The following ZFAT variants were observed in gnomAD, a reference collection of about 807,000 sequenced individuals.
ZFAT encodes the protein zinc finger protein ZFAT.
Under a neutral mutation model 117.7 loss-of-function variants are expected in ZFAT, and 64 were observed. The observed-to-expected ratio is 0.54, with a 90% CI of 0.44 to 0.67. ZFAT has a LOEUF of 0.67. Among genes scored for constraint, ZFAT ranks in the 30% least tolerant of loss-of-function variants. The pLI is 0.00. For synonymous variants in ZFAT, 679 were observed against 615.0 expected (o/e 1.10, Z -1.54); for missense variants, 1,433 against 1,584.5 (o/e 0.90, Z 1.62).
chr8:134,598,535 G>A (rs756665126), intron 7 of ZFAT: 1 of 152,262 alleles, frequency 6.6e-6, no homozygotes, highest in Non-Finnish European at 1.5e-5. Flanking sequence ...TGATCATGAG[G>A]CCCAAGGATG....
At chr8:134,639,178 T>A (rs151220124) in intron 2 of ZFAT, among the ~76,000 whole-genome samples, 1 of 152,240 alleles carries the variant, frequency 6.6e-6, no homozygotes, top group East Asian at 1.9e-4. Flanking sequence ...GGCAGAACAG[T>A]CTGGGGCAGA....
chr8:134,780,582 C>T, the ZFAT span, among the ~76,000 whole-genome samples: 2 of 152,094 alleles, frequency 1.3e-5, no homozygotes, highest in African/African-American at 2.4e-5. Flanking sequence ...AGCCAGAAAT[C>T]GGGGTTCAAA....
chr8:134,520,591 T>A (rs1820586359), intron 13 of ZFAT, among the ~76,000 whole-genome samples: 1 of 151,904 alleles, frequency 6.6e-6, no homozygotes, highest in Admixed American at 6.6e-5. Flanking sequence ...AGATGCAACA[T>A]CTGAAACTCT....
intron 2 of ZFAT, among the ~76,000 whole-genome samples, chr8:134,653,292 CAAAAAACA>C (rs1831385131): frequency 9.7e-6 from 1 of 102,596 alleles, no homozygotes; most frequent in African/African-American, 3.6e-5. Flanking sequence ...AAAAAAAAAA[CAAAAAACA>C]GGGTCTCACT....
At chr8:134,648,349 G>A (rs1322300968) in intron 2 of ZFAT, among the ~76,000 whole-genome samples, 9 of 151,048 alleles carry the variant, frequency 6.0e-5, no homozygotes, top group African/African-American at 2.2e-4. Context: ...ATAAAATATA[G>A]AAAAAGAAAA....
At chr8:134,782,480 C>G in the ZFAT span, among the ~76,000 whole-genome samples, 1 of 152,144 alleles carries the variant, frequency 6.6e-6, no homozygotes, top group Non-Finnish European at 1.5e-5. Flanking sequence ...TAGTTCTAAG[C>G]TAAGTTGATT....
At position 134,644,423 on chromosome 8, in the gene ZFAT, T is replaced by C. The variant is rs1830755937; in HGVS notation, c.197-6711A>G. Among the ~76,000 whole-genome samples, 3 of 151,872 alleles carry C rather than the reference T, an allele frequency of 2.0e-5. No homozygotes were observed. The Admixed American group carries it at 2.0e-4, about 10-fold the overall frequency. On this transcript the variant is annotated intron_variant, in intron 2 of 15. Coordinates refer to ENST00000377838, the MANE Select transcript of ZFAT (RefSeq NM_020863.4). The stretch of plus-strand genomic sequence containing the variant: ...CCATCAGGATAAATGAATGCATGCG[T>C]GTGCACACACACTCTCACACACACA...
chr8:134,708,661 A>T (rs1170138127), intron 1 of ZFAT, among the ~76,000 whole-genome samples: 1 of 152,164 alleles, frequency 6.6e-6, no homozygotes, highest in African/African-American at 2.4e-5. Context: ...CTTTTAAAAA[A>T]AAATTACTCG....
At chr8:134,592,450 G>T (rs569328644) in intron 7 of ZFAT, among the ~76,000 whole-genome samples, 1 of 152,302 alleles carries the variant, frequency 6.6e-6, no homozygotes, top group East Asian at 1.9e-4. Context: ...GAGCCCCTGG[G>T]TTCAAATCTT....
intron 15 of ZFAT, among the ~76,000 whole-genome samples, chr8:134,480,757 G>A (rs1261763145): frequency 1.3e-5 from 2 of 152,162 alleles, no homozygotes; most frequent in East Asian, 1.9e-4. Context: ...TCCTTTCCTG[G>A]CCTGCAAATT....
chr8:134,821,146 A>T, the ZFAT span, among the ~76,000 whole-genome samples: 123 of 152,338 alleles, frequency 8.1e-4, 1 homozygote, highest in African/African-American at 2.8e-3. Flanking sequence ...ACAAATGGTG[A>T]TATCTTCAGA....
chr8:134,817,091 T>A, the ZFAT span, among the ~76,000 whole-genome samples: 1 of 152,266 alleles, frequency 6.6e-6, no homozygotes, highest in Non-Finnish European at 1.5e-5. Flanking sequence ...GGCTAGGCTA[T>A]GCTGCCCAGT....
At chr8:134,811,935 G>C in the ZFAT span, among the ~76,000 whole-genome samples, 1 of 152,164 alleles carries the variant, frequency 6.6e-6, no homozygotes, top group Admixed American at 6.5e-5. Context: ...CCTGAGGTCA[G>C]GAGTTCGAGA....
Position 134,512,501 on chromosome 8 carries a change from T to G in ZFAT, c.3335A>C (p.Gln1112Pro). 6.2e-7 allele frequency: 1 copy of G among 1,614,036 alleles called. No homozygotes were observed. Among genetic ancestry groups the G allele is most frequent in the Non-Finnish European group, 8.5e-7 (1 of 1,179,886 alleles). Residue 1112 changes from glutamine to proline, a missense_variant, in exon 14 of 16, where the codon CAG (glutamine) becomes CCG (proline). By Grantham distance (76) the Gln-to-Pro change is moderately conservative. Coordinates refer to ENST00000377838, the MANE Select transcript of ZFAT (RefSeq NM_020863.4). ...QGTQAAVAAL[Q>P]DLRYTSESGD... Reference sequence around the variant, plus strand: ...ACTCTCAGAGGTGTATCTCAGGTCCTGGAGCGCGGCCACCGCTGCCTGTGT... The same window carrying G: ...ACTCTCAGAGGTGTATCTCAGGTCCGGGAGCGCGGCCACCGCTGCCTGTGT...
intron 2 of ZFAT, among the ~76,000 whole-genome samples, chr8:134,644,981 A>AC (rs1170110885): frequency 2.0e-5 from 3 of 152,182 alleles, no homozygotes; most frequent in African/African-American, 7.2e-5. Flanking sequence ...ACATACACAC[A>AC]GAGATATGAT....
intron 12 of ZFAT, among the ~76,000 whole-genome samples, chr8:134,522,406 C>T (rs1820729829): frequency 6.6e-6 from 1 of 152,242 alleles, no homozygotes; most frequent in Non-Finnish European, 1.5e-5. Context: ...TTCAGCACCA[C>T]CCATGGGGCT....
At chr8:134,637,416 C>T (rs1830282956) in intron 3 of ZFAT, 45 bp downstream of exon 3, 2 of 1,574,760 alleles carry the variant, frequency 1.3e-6, no homozygotes, top group Non-Finnish European at 1.7e-6. Flanking sequence ...GCAGATACAC[C>T]TCTTCATAAG....
chr8:134,571,139 C>T (rs142754362), intron 10 of ZFAT, among the ~76,000 whole-genome samples: 160 of 152,304 alleles, frequency 1.1e-3, no homozygotes, highest in Non-Finnish European at 1.6e-3. Flanking sequence ...GCCTCTGGCA[C>T]TCATCACCTA....
At chr8:134,658,337 C>CAAAA (rs34770848) in intron 1 of ZFAT, among the ~76,000 whole-genome samples, 30 of 117,996 alleles carry the variant, frequency 2.5e-4, no homozygotes, top group East Asian at 7.5e-4. Context: ...ATTCTGTCTC[C>CAAAA]AAAAAAAAAA....
Sources: gnomAD v4.1 joint callset for allele counts (sites outside exome capture counted in the v4.1 genomes callset) on GRCh38, gnomAD v4.1.1 for gene constraint, MANE v1.5 for transcripts, NCBI Gene and HGNC (gene_info 2026-07-23, HGNC 2026-07-21) for gene names.